Variants in PRH1 observed in about 807,000 individuals in gnomAD.
PRH1 encodes the protein salivary acidic proline-rich phosphoprotein 1/2.
A neutral mutation model predicts 7.9 loss-of-function variants in PRH1; 7 were observed. That is an observed-to-expected ratio of 0.89 (90% CI 0.50 to 1.67). PRH1 has a LOEUF of 1.67. PRH1 is among the 40% of genes most tolerant of loss of function. The pLI is 0.00. For missense variants in PRH1, 109 were observed against 223.6 expected (o/e 0.49, Z 3.27); for synonymous variants, 45 against 80.8 (o/e 0.56, Z 2.38).
At chr12:11,066,747 G>C (rs1943837960) in intron 1 of PRH1, among the ~76,000 whole-genome samples, 1 of 151,668 alleles carries the variant, frequency 6.6e-6, no homozygotes, top group South Asian at 2.1e-4. Flanking sequence ...GGTAGTGAGA[G>C]AACCCTACTA....
chr12:10,937,573 C>G lies in PRH1; in HGVS notation c.-59+36082G>C, dbSNP rs548090230. ...ACTCCATTTGCAAAGACAGCAGTTA[C>G]GATCAGGATTACTTAACACTTTGAA... is the stretch of plus-strand genomic sequence containing the variant. On this transcript the variant is annotated intron_variant, in intron 2 of 3. Coordinates refer to the PRH1 transcript ENST00000539853. 2.6e-5 allele frequency: 4 copies of G among 152,140 alleles called. No individual in the cohort carries two copies. The South Asian group carries it at 8.3e-4, about 32-fold the overall frequency. The allele number at this position is 152,140 out of a possible 1,614,324, so 9.4% of individuals were successfully genotyped here. A position where few individuals can be genotyped will look rare whatever the true frequency, so the allele number is the denominator to read the frequency against.
At chr12:10,973,743 G>T (rs1445176799) in intron 1 of PRH1, 3 of 777,788 alleles carry the variant, frequency 3.9e-6, no homozygotes, top group Non-Finnish European at 7.2e-6. Context: ...TAAATAAAAG[G>T]CCAAAATTAT....
intron 1 of PRH1, among the ~76,000 whole-genome samples, chr12:11,143,605 T>C (rs531833850): frequency 4.6e-5 from 7 of 151,988 alleles, no homozygotes; most frequent in Admixed American, 3.3e-4. Flanking sequence ...AATTCGCCTA[T>C]ACAGACATGC....
At chr12:10,937,228 CTCTCTG>C (rs900999717) in intron 2 of PRH1, among the ~76,000 whole-genome samples, 30 of 149,028 alleles carry the variant, frequency 2.0e-4, no homozygotes, top group East Asian at 5.9e-4. Context: ...CTCTCTCTCT[CTCTCTG>C]TGTGTGTGTG....
chr12:11,114,550 T>C (rs1945678711), intron 1 of PRH1, among the ~76,000 whole-genome samples: 1 of 152,096 alleles, frequency 6.6e-6, no homozygotes, highest in Non-Finnish European at 1.5e-5. Flanking sequence ...AAATATCTAA[T>C]GTAGATGACG....
chr12:11,144,451 C>T (rs901280862), intron 1 of PRH1, among the ~76,000 whole-genome samples: 1 of 152,110 alleles, frequency 6.6e-6, no homozygotes, highest in Non-Finnish European at 1.5e-5. Flanking sequence ...CCCTCCCAGC[C>T]GACAGCACCG....
At chr12:11,137,652 TG>T (rs1486157351) in intron 1 of PRH1, among the ~76,000 whole-genome samples, 1 of 152,216 alleles carries the variant, frequency 6.6e-6, no homozygotes, top group Non-Finnish European at 1.5e-5. Flanking sequence ...AATAATTATT[TG>T]CTTAAGCAAT....
intron 2 of PRH1, among the ~76,000 whole-genome samples, chr12:10,963,540 C>T (rs1938357098): frequency 6.6e-6 from 1 of 152,034 alleles, no homozygotes; most frequent in Non-Finnish European, 1.5e-5. Context: ...TTTAGGGGCT[C>T]TGAAGCAGTT....
upstream of PRH1, among the ~76,000 whole-genome samples, chr12:10,886,733 C>T (rs777340016): frequency 1.3e-5 from 2 of 152,166 alleles, no homozygotes; most frequent in African/African-American, 2.4e-5. Flanking sequence ...ATAACACATC[C>T]CAACATTTTC....
intron 1 of PRH1, among the ~76,000 whole-genome samples, chr12:11,163,954 A>C (rs1467744073): frequency 6.6e-6 from 1 of 152,188 alleles, no homozygotes; most frequent in Non-Finnish European, 1.5e-5. Flanking sequence ...CTTGGGCAGC[A>C]ATCTAGACTG....
At chr12:10,997,649 G>A in intron 1 of PRH1, 3 of 1,613,576 alleles carry the variant, frequency 1.9e-6, no homozygotes, top group Non-Finnish European at 2.5e-6. Context: ...TTTTAAATTA[G>A]ATGAAGTTGG....
chr12:10,909,274 A>G, intron 2 of PRH1: 1 of 1,613,138 alleles, frequency 6.2e-7, no homozygotes, highest in Non-Finnish European at 8.5e-7. Flanking sequence ...ACAAGAGTGA[A>G]GATACTCGGC....
At chr12:11,020,565 A>G (rs1941568382) in intron 1 of PRH1, among the ~76,000 whole-genome samples, 1 of 152,084 alleles carries the variant, frequency 6.6e-6, no homozygotes, top group Non-Finnish European at 1.5e-5. Flanking sequence ...CTTGGTATCA[A>G]TGGATACATC....
At chr12:10,900,970 A>G (rs1324884885) in intron 2 of PRH1, among the ~76,000 whole-genome samples, 3 of 151,968 alleles carry the variant, frequency 2.0e-5, no homozygotes, top group Admixed American at 6.6e-5. Context: ...AGAACTCTAG[A>G]TATCTGAAGC....
At chr12:11,104,913 G>A (rs1362702000) in intron 1 of PRH1, among the ~76,000 whole-genome samples, 2 of 151,598 alleles carry the variant, frequency 1.3e-5, no homozygotes, top group Non-Finnish European at 2.9e-5. Flanking sequence ...CAGAATGTAT[G>A]TTTACTTCAA....
chr12:10,961,857 C>T (rs1056837657), intron 2 of PRH1, among the ~76,000 whole-genome samples: 1 of 152,194 alleles, frequency 6.6e-6, no homozygotes, highest in Non-Finnish European at 1.5e-5. Flanking sequence ...GTAGCCTTTC[C>T]GGAAAAGTAC....
chr12:10,973,768 G>A (rs183571890), intron 1 of PRH1: 17 of 766,818 alleles, frequency 2.2e-5, no homozygotes, highest in Admixed American at 6.9e-5. Context: ...TCAATTCATC[G>A]GAGAGCTGTG....
At chr12:10,882,008 C>G (rs1949408527) in intron 3 of PRH1, among the ~76,000 whole-genome samples, 1 of 152,182 alleles carries the variant, frequency 6.6e-6, no homozygotes, top group South Asian at 2.1e-4. Context: ...GATAGTGATT[C>G]TCAAAATCAG....
chr12:10,897,144 T>G (rs1157278632), intron 2 of PRH1, among the ~76,000 whole-genome samples: 1 of 152,166 alleles, frequency 6.6e-6, no homozygotes, highest in Non-Finnish European at 1.5e-5. Flanking sequence ...AAGCGATATT[T>G]GACCTGTCTG....
Sources: gnomAD v4.1 joint callset for allele counts (sites outside exome capture counted in the v4.1 genomes callset) on GRCh38, gnomAD v4.1.1 for gene constraint, MANE v1.5 for transcripts, NCBI Gene and HGNC (gene_info 2026-07-23, HGNC 2026-07-21) for gene names.